DGKZ: variants seen among roughly 807,000 people sequenced by gnomAD.
DGKZ encodes the protein diacylglycerol kinase zeta.
DGKZ carries 45 observed loss-of-function variants against 142.5 expected under a neutral mutation model. The observed-to-expected ratio is 0.32, with a 90% confidence interval of 0.25 to 0.40. The LOEUF is 0.40. Among genes scored for constraint, DGKZ ranks in the 10% least tolerant of loss-of-function variants. The pLI is 1.00. For missense variants in DGKZ, 755 were observed against 1,306.5 expected, an observed-to-expected ratio of 0.58 and a Z score of 6.51; for synonymous variants, 442 against 527.0, an observed-to-expected ratio of 0.84 and a Z score of 2.21.
upstream of DGKZ, chr11:46,345,263 C>T (rs1478011798): frequency 1.8e-5 from 25 of 1,358,872 alleles, no homozygotes; most frequent in South Asian, 3.6e-4. The surrounding 1 kb of genome is among the most constrained non-coding windows in gnomAD (Gnocchi z 4.1). Flanking sequence ...CAGCTCTTCA[C>T]GGCAGCTGGC....
intron 1 of DGKZ, among the ~76,000 whole-genome samples, chr11:46,337,663 C>A (rs1434568585): frequency 6.6e-6 from 1 of 152,018 alleles, no homozygotes; most frequent in Non-Finnish European, 1.5e-5. Flanking sequence ...GGCCTGGACG[C>A]CTCCATGCTA....
chr11:46,373,382 G>A (rs1944193450), intron 14 of DGKZ, among the ~76,000 whole-genome samples: 1 of 150,150 alleles, frequency 6.7e-6, no homozygotes, highest in Non-Finnish European at 1.5e-5. Flanking sequence ...CGCCTCCCAG[G>A]TTCAAGCGAT....
chr11:46,351,464 G>C (rs910226741), intron 1 of DGKZ, among the ~76,000 whole-genome samples: 1 of 152,230 alleles, frequency 6.6e-6, no homozygotes, highest in Admixed American at 6.5e-5. Flanking sequence ...TGAAGTCAGG[G>C]CTGCAGAGGG....
In DGKZ at chr11:46,367,738, C is replaced by T. The variant is rs760047473; in HGVS notation, c.357C>T (p.Ala119=). ...ACGTTGGGGAGCAGTACTGTGTAGC[C>T]AGGATGCTGGTGAGTGCTCGTAGGG... Residue 119 remains alanine, a synonymous_variant, in exon 3 of 31, where the codon GCC becomes GCT. Transcript: ENST00000527911. The surrounding 1 kb of genome is among the most constrained non-coding windows in gnomAD (Gnocchi z 4.1). The T allele has an allele frequency of 1.9e-6, 3 of 1,612,790 alleles. No homozygotes were observed. Among genetic ancestry groups the T allele is most frequent in the Non-Finnish European group, 2.5e-6 (3 of 1,179,682 alleles).
At position 46,374,920 on chromosome 11, in the gene DGKZ, G is replaced by C. The variant is rs752253937; in HGVS notation, c.1599-14G>C. On this transcript the variant is annotated splice_polypyrimidine_tract_variant and intron_variant, in intron 18 of 30. Coordinates refer to ENST00000527911, the Ensembl canonical transcript of DGKZ. Reference sequence around the variant, plus strand: ...ACTGTGTTTTGAGGCCCATGTCATCGCCCGCCTTTGCAGGTACTGTGCGGG... The same window carrying C: ...ACTGTGTTTTGAGGCCCATGTCATCCCCCGCCTTTGCAGGTACTGTGCGGG... 6.3e-7 allele frequency: 1 copy of C among 1,580,544 alleles called. No homozygotes were observed. The highest frequency in any genetic ancestry group is 8.6e-7 in the Non-Finnish European group (1 of 1,158,070).
At chr11:46,352,441 G>A (rs1040482977) in intron 1 of DGKZ, among the ~76,000 whole-genome samples, 5 of 152,204 alleles carry the variant, frequency 3.3e-5, no homozygotes, top group African/African-American at 1.2e-4. Flanking sequence ...CAATCAGTGC[G>A]GCCCAGGGCA....
At chr11:46,349,274 G>T (rs1245385696) in intron 1 of DGKZ, among the ~76,000 whole-genome samples, 1 of 152,196 alleles carries the variant, frequency 6.6e-6, no homozygotes, top group Non-Finnish European at 1.5e-5. Context: ...CCACAGCCCT[G>T]CAAGATGGAG....
Position 46,352,195 on chromosome 11 carries a change from G to A in DGKZ, c.161+4375G>A, listed in dbSNP as rs112148992. ...GAGTCTTAGGCCGCGCGGGCCCCTC[G>A]GAGAAGCAGGGATCCGGAGCCCTTC... On this transcript the variant is annotated intron_variant, in intron 1 of 30. Coordinates refer to ENST00000527911, the Ensembl canonical transcript of DGKZ. Among the ~76,000 whole-genome samples, 1,395 of 152,322 alleles carry A rather than the reference G, an allele frequency of 9.2e-3. 23 individuals carry two copies. The highest frequency in any genetic ancestry group is 0.032 in the African/African-American group (1,334 of 41,576).
At chr11:46,369,785 C>A in intron 5 of DGKZ, 156 bp from the exon 6 acceptor site, 1 of 927,434 alleles carries the variant, frequency 1.1e-6, no homozygotes. Context: ...CTGAGCCTCC[C>A]CCAGGCCATG....
chr11:46,335,675 C>T (rs369732867), intron 1 of DGKZ, among the ~76,000 whole-genome samples: 2 of 152,242 alleles, frequency 1.3e-5, no homozygotes, highest in East Asian at 3.8e-4. Flanking sequence ...TAGGGCATCT[C>T]CTCACTCCCT....
At position 46,349,077 on chromosome 11, in the gene DGKZ, C is replaced by T. The variant is rs144100788; in HGVS notation, c.161+1257C>T. Among the ~76,000 whole-genome samples, 7 of 152,288 alleles carry T rather than the reference C, an allele frequency of 4.6e-5. No homozygotes were observed. In the East Asian group the frequency reaches 1.4e-3, roughly 29 times the overall value. Reference sequence around the variant, plus strand: ...AGCATACCCGTGATGCTGACTTGTGCCCTCTACCCGTCTCACCCGGGCTAG... The same window carrying T: ...AGCATACCCGTGATGCTGACTTGTGTCCTCTACCCGTCTCACCCGGGCTAG... On this transcript the variant is annotated intron_variant, in intron 1 of 30. Transcript: ENST00000527911.
At chr11:46,345,167 G>A, upstream of DGKZ, 1 of 895,258 alleles carries the variant, frequency 1.1e-6, no homozygotes, top group East Asian at 3.4e-5. This position sits in a 1 kb window ranked among gnomAD's most constrained non-coding sequence, Gnocchi z 4.1. Context: ...AGGAGCCCAG[G>A]TGCAGATTCC....
chr11:46,377,368 G>A (rs1319300546), intron 25 of DGKZ, 156 bp downstream of exon 25: 1 of 1,357,236 alleles, frequency 7.4e-7, no homozygotes, highest in East Asian at 2.8e-5. Context: ...CAGCCCTGTG[G>A]TTCTGTGGGG....
At chr11:46,361,664 T>C in intron 1 of DGKZ, 1 of 985,564 alleles carries the variant, frequency 1.0e-6, no homozygotes, top group Non-Finnish European at 1.2e-6. Context: ...GAGCCCGGCC[T>C]TGGGGACCCC....
chr11:46,344,236 G>A (rs144086129), upstream of DGKZ, among the ~76,000 whole-genome samples: 18 of 151,944 alleles, frequency 1.2e-4, no homozygotes, highest in Middle Eastern at 3.4e-3. Flanking sequence ...CTTGTTTGCT[G>A]ACATTATATT....
Position 46,367,828 on chromosome 11 carries a change from G to C in DGKZ, c.366+81G>C, listed in dbSNP as rs1199234418. 2 of 1,571,770 alleles carry C rather than the reference G, an allele frequency of 1.3e-6. No homozygotes were observed. The highest frequency in any genetic ancestry group is 2.2e-5 in the East Asian group (1 of 44,474). On this transcript the variant is annotated intron_variant, in intron 3 of 30. Transcript: ENST00000527911. The surrounding 1 kb of genome is among the most constrained non-coding windows in gnomAD (Gnocchi z 4.1). Reference sequence around the variant, plus strand: ...CTTCCGGGAACGTGGGATTGAGCCCGCTCCCTGGCACCCCTGCTGTGGGCC... The same window carrying C: ...CTTCCGGGAACGTGGGATTGAGCCCCCTCCCTGGCACCCCTGCTGTGGGCC...
chr11:46,340,717 T>C (rs1033735074), intron 1 of DGKZ, among the ~76,000 whole-genome samples: 4 of 152,246 alleles, frequency 2.6e-5, no homozygotes, highest in African/African-American at 9.6e-5. Flanking sequence ...ATCTGTCTCC[T>C]CTGTGGGGGC....
exon 28 of DGKZ, chr11:46,379,046 G>C: frequency 6.3e-7 from 1 of 1,594,986 alleles, no homozygotes. Context: ...GAGCAGAGTC[G>C]CACGCTCCTG....
At chr11:46,369,822 T>C in intron 5 of DGKZ, 119 bp from the exon 6 acceptor site, 1 of 1,106,466 alleles carries the variant, frequency 9.0e-7, no homozygotes, top group Non-Finnish European at 1.4e-6. Flanking sequence ...CCTCCTCCAC[T>C]CATGCGCAGG....
Sources: allele counts gnomAD v4.1 joint callset (sites outside exome capture counted in the v4.1 genomes callset), GRCh38; gene constraint gnomAD v4.1.1; non-coding constraint Gnocchi (gnomAD v3.1); transcripts MANE v1.5; gene names NCBI Gene and HGNC (gene_info 2026-07-23, HGNC 2026-07-21).